The following ZNF44 variants were observed in gnomAD, a reference collection of about 807,000 sequenced individuals.
ZNF44 encodes zinc finger protein 44, also known as gonadotropin inducible transcription repressor-2.
ZNF44 carries 9 observed loss-of-function variants against 11.7 expected under a neutral mutation model. The ratio of observed to expected loss-of-function variants is 0.77; its 90% confidence interval spans 0.46 to 1.35. The LOEUF is 1.35. Ranked by LOEUF, ZNF44 falls within the 40% of genes most tolerant of loss-of-function variation. ZNF44 has a pLI of 0.00. For missense variants in ZNF44, 696 were observed against 743.1 expected (o/e 0.94, Z 0.74); for synonymous variants, 224 against 242.7 (o/e 0.92, Z 0.72).
downstream of ZNF44, among the ~76,000 whole-genome samples, chr19:12,244,364 G>A (rs1916711830): frequency 6.6e-6 from 1 of 152,126 alleles, no homozygotes; most frequent in Admixed American, 6.5e-5. Flanking sequence ...ACTTGTTGGT[G>A]CGTCCCAGGC....
chr19:12,242,294 G>A (rs1415739037), upstream of ZNF44, among the ~76,000 whole-genome samples: 1 of 151,956 alleles, frequency 6.6e-6, no homozygotes, highest in Non-Finnish European at 1.5e-5. Flanking sequence ...GATCACATGA[G>A]GTCAGGAGTT....
At chr19:12,243,350 C>G (rs894624721), downstream of ZNF44, among the ~76,000 whole-genome samples, 5 of 152,190 alleles carry the variant, frequency 3.3e-5, no homozygotes, top group Non-Finnish European at 7.3e-5. Flanking sequence ...ATTTTCCCTA[C>G]CTTCTGGACT....
chr19:12,245,239 A>C (rs1458433506), downstream of ZNF44, among the ~76,000 whole-genome samples: 1 of 152,254 alleles, frequency 6.6e-6, no homozygotes, highest in African/African-American at 2.4e-5. Context: ...AAAATTACAA[A>C]GTTGACCTGA....
chr19:12,250,252 CA>C (rs1287496843), exon 6 of ZNF44: 10 of 1,362,266 alleles, frequency 7.3e-6, no homozygotes, highest in Non-Finnish European at 8.8e-6. Context: ...CTATAGTGGC[CA>C]GGTTCCTGAA....
chr19:12,293,005 G>A (rs908026853), intron 1 of ZNF44, among the ~76,000 whole-genome samples: 1 of 151,860 alleles, frequency 6.6e-6, no homozygotes, highest in East Asian at 1.9e-4. Context: ...ATGTAGCTGG[G>A]ATTACAGGCA....
chr19:12,248,442 C>A, exon 8 of ZNF44: 1 of 1,291,106 alleles, frequency 7.7e-7, no homozygotes, highest in Non-Finnish European at 1.0e-6. Context: ...ACATTTCTTA[C>A]ATTTATATGG....
At chr19:12,258,065 C>T (rs962241235) in intron 5 of ZNF44, among the ~76,000 whole-genome samples, 6 of 146,252 alleles carry the variant, frequency 4.1e-5, no homozygotes, top group East Asian at 4.0e-4. Flanking sequence ...GGCTCATGTC[C>T]GTAATCCCAG....
chr19:12,293,295 G>A (rs1968095962), intron 1 of ZNF44: 2 of 1,536,988 alleles, frequency 1.3e-6, no homozygotes, highest in Non-Finnish European at 1.7e-6. Flanking sequence ...TGACCCAAGG[G>A]CCGATATCCA....
intron 1 of ZNF44, chr19:12,237,431 CACCCG>C (rs1362020039): frequency 6.1e-6 from 1 of 165,138 alleles, no homozygotes; most frequent in Non-Finnish European, 1.3e-5. Context: ...CCCCTCCTCC[CACCCG>C]GCCTTGCACA....
At position 12,273,891 on chromosome 19, in the gene ZNF44, T is replaced by C. The variant is rs1319104129; in HGVS notation, c.364A>G (p.Ile122Val). 63 of 1,614,206 alleles carry C rather than the reference T, an allele frequency of 3.9e-5. No individual in the cohort carries two copies. The highest frequency in any genetic ancestry group is 5.0e-5 in the Non-Finnish European group (59 of 1,180,036). ...TGTTTGTGTCCAGTATCAACTCTGA[T>C]GTAGCAATTCAGGGATGAATGACCC... ...IMGHSSLNCY[I>V]RVDTGHKHRE... Residue 122 changes from isoleucine to valine, a missense_variant, in exon 4 of 4, where the codon ATC becomes GTC. Ile to Val is a conservative substitution (Grantham distance 29). Transcript: ENST00000355684.
At chr19:12,250,370 TA>T in intron 5 of ZNF44, 1 of 1,357,590 alleles carries the variant, frequency 7.4e-7, no homozygotes, top group Admixed American at 2.1e-5. Flanking sequence ...CACTGAGTCC[TA>T]AAACATTCCA....
chr19:12,285,935 C>T (rs1430444645), intron 1 of ZNF44, among the ~76,000 whole-genome samples: 4 of 151,326 alleles, frequency 2.6e-5, no homozygotes, highest in African/African-American at 7.3e-5. Flanking sequence ...AGGAGAATGG[C>T]GTGAACCCGG....
intron 1 of ZNF44, chr19:12,276,285 T>A (rs1445709820): frequency 4.2e-6 from 3 of 707,918 alleles, no homozygotes; most frequent in Non-Finnish European, 7.0e-6. Context: ...AAATAACAGT[T>A]GAGTAGGAAC....
chr19:12,244,721 A>G (rs1005115699), downstream of ZNF44: 5 of 152,548 alleles, frequency 3.3e-5, no homozygotes, highest in Non-Finnish European at 5.9e-5. Context: ...GAAATCTCCT[A>G]ATATGACTTG....
At chr19:12,267,560 A>G (rs1427835214), downstream of ZNF44, among the ~76,000 whole-genome samples, 1 of 152,146 alleles carries the variant, frequency 6.6e-6, no homozygotes. Flanking sequence ...CAAGCTGGGG[A>G]GTCAGACTCT....
chr19:12,278,157 C>G (rs1400357861), intron 1 of ZNF44, among the ~76,000 whole-genome samples: 2 of 152,216 alleles, frequency 1.3e-5, no homozygotes, highest in East Asian at 3.8e-4. Flanking sequence ...CTGGCCCACC[C>G]AGGGTGGAAA....
At chr19:12,233,170 G>A (rs1802009303) in intron 2 of ZNF44, among the ~76,000 whole-genome samples, 1 of 151,986 alleles carries the variant, frequency 6.6e-6, no homozygotes, top group Non-Finnish European at 1.5e-5. Context: ...GAAGATGCCA[G>A]CCCTGAGAAA....
intron 1 of ZNF44, among the ~76,000 whole-genome samples, chr19:12,287,047 G>A (rs890948683): frequency 4.5e-5 from 5 of 111,652 alleles, no homozygotes; most frequent in Admixed American, 1.9e-4. Flanking sequence ...ACACACACAC[G>A]TATAATATAT....
rs536901412 is a variant in ZNF44, at chr19:12,252,000, T to G, written c.1913-1632A>C. Among the ~76,000 whole-genome samples the G allele has an allele frequency of 1.6e-3, 234 of 147,268 alleles. 1 individual carries two copies. Among genetic ancestry groups the G allele is most frequent in the African/African-American group, 5.8e-3 (228 of 39,332 alleles). On this transcript the variant is annotated intron_variant and NMD_transcript_variant, in intron 5 of 7. Transcript: ENST00000393337. ...TGGGAGACAGAGGTTGCCGTGAGCC[T>G]AGATCGCACCATTGCACTCCAGCCT...
Sources: allele counts gnomAD v4.1 joint callset (sites outside exome capture counted in the v4.1 genomes callset), GRCh38; gene constraint gnomAD v4.1.1; transcripts MANE v1.5; gene names NCBI Gene and HGNC (gene_info 2026-07-23, HGNC 2026-07-21).